Variants in DST observed in about 807,000 individuals in gnomAD.
The protein encoded by DST is bullous pemphigoid antigen.
DST carries 253 observed loss-of-function variants against 875.2 expected under a neutral mutation model. The ratio of observed to expected loss-of-function variants is 0.29; its 90% confidence interval spans 0.26 to 0.32. DST has a LOEUF of 0.32. Ranked by LOEUF, DST falls within the 10% of genes least tolerant of loss-of-function variation. DST has a pLI of 1.00. For missense variants in DST, 8,287 were observed against 9,111.6 expected, an observed-to-expected ratio of 0.91 and a Z score of 3.68; for synonymous variants, 3,124 against 3,197.1, an observed-to-expected ratio of 0.98 and a Z score of 0.77.
chr6:56,851,030 C>A, intron 4 of DST: 1 of 229,788 alleles, frequency 4.4e-6, no homozygotes, highest in Non-Finnish European at 8.6e-6. Flanking sequence ...AAAATAAAGG[C>A]TGCTCACTTC....
chr6:56,636,954 G>A (rs758778949), intron 22 of DST, among the ~76,000 whole-genome samples: 9 of 152,048 alleles, frequency 5.9e-5, no homozygotes, highest in Non-Finnish European at 8.8e-5. Flanking sequence ...ATGGTGGCAC[G>A]CGCCTGTGAT....
intron 78 of DST, among the ~76,000 whole-genome samples, 155 bp downstream of exon 78, chr6:56,503,842 A>G (rs1419252086): frequency 1.3e-5 from 2 of 152,278 alleles, no homozygotes; most frequent in Middle Eastern, 3.4e-3. Context: ...ACACTTATAT[A>G]TTGCTTAGCA....
intron 55 of DST, among the ~76,000 whole-genome samples, chr6:56,564,751 T>C (rs1366378169): frequency 6.6e-6 from 1 of 152,192 alleles, no homozygotes; most frequent in Non-Finnish European, 1.5e-5. Context: ...ATTCCATCGA[T>C]ACCTAGTTTA....
intron 4 of DST, among the ~76,000 whole-genome samples, chr6:56,814,080 A>G (rs2099763818): frequency 6.6e-6 from 1 of 152,194 alleles, no homozygotes; most frequent in Admixed American, 6.5e-5. Context: ...TGATTCTCAA[A>G]GAGAAAATAA....
intron 3 of DST, among the ~76,000 whole-genome samples, chr6:56,862,660 A>G (rs1771841365): frequency 6.6e-6 from 1 of 152,198 alleles, no homozygotes; most frequent in Non-Finnish European, 1.5e-5. Flanking sequence ...GATCACACTC[A>G]GACAAGATTA....
chr6:56,620,010 G>A lies in DST; in HGVS notation c.4929+4520C>T, dbSNP rs1350192088. ...GTTACTGCCCTGCATGATGTAGCCT[G>A]TGTGATCGGACACACTGGCAATGCA... On this transcript the variant is annotated intron_variant, in intron 36 of 103. Transcript: ENST00000680361. 4 of 1,614,030 alleles carry A rather than the reference G, an allele frequency of 2.5e-6. No homozygotes were observed. In the Admixed American group the frequency reaches 5.0e-5, roughly 20 times the overall value.
intron 9 of DST, among the ~76,000 whole-genome samples, chr6:56,671,768 G>T (rs1020200722): frequency 6.6e-6 from 1 of 152,162 alleles, no homozygotes; most frequent in Non-Finnish European, 1.5e-5. Context: ...CAGGCTGCAC[G>T]CCAGAATCAG....
chr6:56,606,762 GTCA>G lies in DST; in HGVS notation c.7863_7865del (p.Asp2622del). The G allele has an allele frequency of 1.2e-6, 2 of 1,613,326 alleles. No homozygotes were observed. Among genetic ancestry groups the G allele is most frequent in the Non-Finnish European group, 1.7e-6 (2 of 1,179,568 alleles). On this transcript the variant is annotated inframe_deletion, in exon 40 of 104. Transcript: ENST00000680361. ...CACCATCAAGAAGCAAAGAATCATG[GTCA>G]TCATCTTCAAACAAGGGAGTATCAT...
chr6:56,608,348 T>A lies in DST; in HGVS notation c.6280A>T (p.Asn2094Tyr). Residue 2094 changes from asparagine to tyrosine, a missense_variant, in exon 40 of 104, where the codon AAT becomes TAT. Asn to Tyr is a moderately radical substitution (Grantham distance 143). Around this residue, in one of 10 missense-constraint regions of DST, gnomAD observed 3,138 missense variants for 3,116.6 expected, o/e 1.01. Transcript: ENST00000680361. ...TTCAGGATTTTGTAGGCCAATTCAT[T>A]TGTAATCAATTCTTGCTGCAAGGAA... ...SSSLQQELIT[N>Y]ELAYKILNGR... is the part of the protein sequence containing the mutation. 1 of 1,612,638 alleles carries A rather than the reference T, an allele frequency of 6.2e-7. No individual in the cohort carries two copies.
chr6:56,860,992 G>A (rs1356889510), intron 3 of DST, among the ~76,000 whole-genome samples: 1 of 150,898 alleles, frequency 6.6e-6, no homozygotes, highest in Non-Finnish European at 1.5e-5. Flanking sequence ...AAACATGTTA[G>A]TGTTAAAAAA....
In DST at chr6:56,603,438, C is replaced by G; in HGVS notation, c.10942-18G>C. 6.2e-7 allele frequency: 1 copy of G among 1,605,832 alleles called. No homozygotes were observed. Among genetic ancestry groups the G allele is most frequent in the East Asian group, 2.2e-5 (1 of 44,820 alleles). On this transcript the variant is annotated intron_variant, in intron 41 of 103. Transcript: ENST00000680361. ...TCAAATGTCTGCAAAGAAATATATCCCGGACCTATTTACTATTTAGTGAAA... is the reference window on the plus strand; with the variant it reads ...TCAAATGTCTGCAAAGAAATATATCGCGGACCTATTTACTATTTAGTGAAA...
chr6:56,491,385 T>G (rs2095734667), intron 85 of DST, among the ~76,000 whole-genome samples: 1 of 152,172 alleles, frequency 6.6e-6, no homozygotes, highest in Admixed American at 6.6e-5. Context: ...AAAATCCTCC[T>G]ACAATATTAC....
At position 56,516,131 on chromosome 6, in the gene DST, GGGAGA is replaced by G. The variant is rs1479685803; in HGVS notation, c.18358-468_18358-464del. On this transcript the variant is annotated intron_variant, in intron 71 of 103. Transcript: ENST00000680361. ...GTATATATATATAGAAAGAGAGAGA[GGGAGA>G]GAGAGAGAGAGAAAGAGAAAGAGAG... Among the ~76,000 whole-genome samples the G allele has an allele frequency of 1.6e-3, 124 of 76,812 alleles. No homozygotes were observed. The Middle Eastern group carries it at 0.041, about 26-fold the overall frequency. The allele number at this position is 76,812 out of a possible 152,430, so 50.4% of individuals were successfully genotyped here. A position where few individuals can be genotyped will look rare whatever the true frequency, so the allele number is the denominator to read the frequency against.
intron 2 of DST, among the ~76,000 whole-genome samples, chr6:56,953,255 G>A (rs967324519): frequency 5.9e-5 from 9 of 152,218 alleles, no homozygotes; most frequent in Non-Finnish European, 1.0e-4. Context: ...CACGTTTTGA[G>A]AGTGGAGACT....
At chr6:56,737,204 T>C (rs186507961) in intron 4 of DST, among the ~76,000 whole-genome samples, 1 of 152,034 alleles carries the variant, frequency 6.6e-6, no homozygotes, top group Admixed American at 6.6e-5. Flanking sequence ...CAAAAAATAA[T>C]AAAATAACAA....
At chr6:56,762,715 A>G (rs943534060) in intron 4 of DST, among the ~76,000 whole-genome samples, 1 of 148,380 alleles carries the variant, frequency 6.7e-6, no homozygotes, top group Non-Finnish European at 1.5e-5. Context: ...TTACCTCTAC[A>G]CATATTTTTG....
intron 4 of DST, among the ~76,000 whole-genome samples, chr6:56,772,844 G>A (rs1250618558): frequency 4.6e-5 from 7 of 152,116 alleles, no homozygotes; most frequent in Admixed American, 4.6e-4. Flanking sequence ...CTCTCACAGT[G>A]CACTAGGGTT....
chr6:56,587,070 TGAC>T (rs2098168248), intron 49 of DST, among the ~76,000 whole-genome samples: 1 of 152,160 alleles, frequency 6.6e-6, no homozygotes, highest in African/African-American at 2.4e-5. Flanking sequence ...AGAATGACTT[TGAC>T]GAGTTGAGAG....
At chr6:56,948,541 C>G (rs745680161) in intron 2 of DST, among the ~76,000 whole-genome samples, 2 of 152,210 alleles carry the variant, frequency 1.3e-5, no homozygotes, top group Non-Finnish European at 2.9e-5. Context: ...CAATTTCAAA[C>G]TTATGAATCC....
Sources: allele counts gnomAD v4.1 joint callset (sites outside exome capture counted in the v4.1 genomes callset), GRCh38; gene constraint gnomAD v4.1.1; regional missense constraint gnomAD v4.1.1; transcripts MANE v1.5; gene names NCBI Gene and HGNC (gene_info 2026-07-23, HGNC 2026-07-21).